The following CWC27 variants were observed in gnomAD, a reference collection of about 807,000 sequenced individuals.
The protein encoded by CWC27 is spliceosome-associated protein CWC27 homolog.
A neutral mutation model predicts 63.6 loss-of-function variants in CWC27; 47 were observed. The observed-to-expected ratio is 0.74, with a 90% CI of 0.58 to 0.94. The LOEUF is 0.94. Among genes scored for constraint, CWC27 ranks in the 40% least tolerant of loss-of-function variants. The pLI is 0.00. For missense variants in CWC27, 495 were observed against 554.3 expected, an observed-to-expected ratio of 0.89 and a Z score of 1.07; for synonymous variants, 175 against 179.8, an observed-to-expected ratio of 0.97 and a Z score of 0.22.
chr5:64,805,973 A>G (rs1238677871), intron 10 of CWC27, among the ~76,000 whole-genome samples: 3 of 152,166 alleles, frequency 2.0e-5, no homozygotes, highest in Non-Finnish European at 2.9e-5. Flanking sequence ...TCATGAGAAT[A>G]CTGGAGAGCC....
intron 13 of CWC27, among the ~76,000 whole-genome samples, chr5:64,984,020 A>G (rs1016565792): frequency 6.6e-6 from 1 of 151,948 alleles, no homozygotes; most frequent in South Asian, 2.1e-4. Flanking sequence ...TTTAGTAGAG[A>G]TGGGGTTTCA....
Position 64,990,258 on chromosome 5 carries a change from T to TG in CWC27, c.1256+13020_1256+13021insG, listed in dbSNP as rs1749511866. 5.1e-5 allele frequency among the ~76,000 whole-genome samples: 2 copies of TG among 39,366 alleles called. 1 individual carries two copies. Among genetic ancestry groups the TG allele is most frequent in the East Asian group, 9.3e-4 (2 of 2,146 alleles). The allele number at this position is 39,366 out of a possible 152,430, so 25.8% of individuals were successfully genotyped here. A position where few individuals can be genotyped will look rare whatever the true frequency, so the allele number is the denominator to read the frequency against. ...TTTATTTGTTTTTTTTTTGTTTTTT[T>TG]TTTTTTTGTTTTTTTTTTTTTTTTG... On this transcript the variant is annotated intron_variant, in intron 13 of 13. Transcript: ENST00000381070.
chr5:64,978,885 T>C (rs1749280383), intron 13 of CWC27, among the ~76,000 whole-genome samples: 1 of 152,132 alleles, frequency 6.6e-6, no homozygotes, highest in Non-Finnish European at 1.5e-5. Context: ...AACAGGAAAG[T>C]CACCAACAAA....
At chr5:64,791,449 G>A (rs1744077215) in intron 7 of CWC27, among the ~76,000 whole-genome samples, 1 of 117,352 alleles carries the variant, frequency 8.5e-6, no homozygotes, top group South Asian at 4.1e-4. Flanking sequence ...CACAGATAGT[G>A]CTGTCTTTTT....
Position 64,774,761 on chromosome 5 carries a change from G to A in CWC27, c.113G>A (p.Arg38Lys). 6.2e-7 allele frequency: 1 copy of A among 1,602,990 alleles called. No individual in the cohort carries two copies. Among genetic ancestry groups the A allele is most frequent in the Non-Finnish European group, 8.5e-7 (1 of 1,175,380 alleles). ...LWSKEAPKAC[R>K]NFIQLCLEAY... is the part of the protein sequence containing the mutation. ...TCCAAAGAAGCTCCTAAAGCTTGCA[G>A]AAATTTTATCCAACTTTGTTTGGAA... Residue 38 changes from arginine (R) to lysine (K), a missense_variant, in exon 2 of 14, where the codon AGA (arginine) becomes AAA (lysine). This residue lies in a region of CWC27 where 463 missense variants were observed against 498.1 expected (regional missense o/e 0.93). Coordinates refer to ENST00000381070, the MANE Select transcript of CWC27 (RefSeq NM_005869.4).
intron 11 of CWC27, among the ~76,000 whole-genome samples, chr5:64,919,146 G>A (rs1747946127): frequency 6.6e-6 from 1 of 151,994 alleles, no homozygotes; most frequent in African/African-American, 2.4e-5. Context: ...TGCTTTCTTT[G>A]TGTTTCTATA....
intron 11 of CWC27, among the ~76,000 whole-genome samples, chr5:64,957,197 T>A (rs989360782): frequency 6.6e-6 from 1 of 152,208 alleles, no homozygotes; most frequent in African/African-American, 2.4e-5. Context: ...TATTCTGCAA[T>A]GCTTAATTCG....
chr5:64,885,619 C>T (rs1004814111), intron 11 of CWC27, 73 bp downstream of exon 11: 12 of 1,090,070 alleles, frequency 1.1e-5, no homozygotes, highest in African/African-American at 9.5e-5. Context: ...CCTCCCTGCC[C>T]GCTCCCGTAT....
At chr5:64,788,913 CTCTTTCT>C (rs1390767304) in intron 6 of CWC27, 31 bp from the exon 7 acceptor site, 1 of 1,379,804 alleles carries the variant, frequency 7.2e-7, no homozygotes, top group East Asian at 2.4e-5. Flanking sequence ...ATTTGACTTT[CTCTTTCT>C]TTTTTTTTTT....
intron 10 of CWC27, among the ~76,000 whole-genome samples, chr5:64,817,345 A>C (rs892726877): frequency 2.0e-5 from 3 of 152,174 alleles, no homozygotes; most frequent in African/African-American, 7.2e-5. Flanking sequence ...TACTTATTCA[A>C]GTGACCTAAA....
intron 13 of CWC27, among the ~76,000 whole-genome samples, chr5:64,979,427 G>T (rs902777988): frequency 2.0e-5 from 3 of 152,082 alleles, no homozygotes; most frequent in African/African-American, 7.2e-5. Flanking sequence ...CATATATAGG[G>T]CCCTTATGTA....
chr5:65,002,327 A>C (rs1211549903), intron 13 of CWC27, among the ~76,000 whole-genome samples: 1 of 151,992 alleles, frequency 6.6e-6, no homozygotes, highest in Non-Finnish European at 1.5e-5. Flanking sequence ...TCTAATCTTT[A>C]TTAATTCCTT....
intron 11 of CWC27, among the ~76,000 whole-genome samples, chr5:64,937,789 C>T (rs1238565082): frequency 6.6e-6 from 1 of 152,092 alleles, no homozygotes; most frequent in Non-Finnish European, 1.5e-5. Flanking sequence ...GTATTGGTTG[C>T]ATGTATATTT....
chr5:65,003,118 G>C (rs972318501), intron 13 of CWC27, among the ~76,000 whole-genome samples: 1 of 152,084 alleles, frequency 6.6e-6, no homozygotes, highest in Non-Finnish European at 1.5e-5. Flanking sequence ...CTCACTGTTT[G>C]GTTTCTGTTT....
intron 11 of CWC27, among the ~76,000 whole-genome samples, chr5:64,903,693 T>C (rs1747560884): frequency 1.3e-5 from 2 of 151,844 alleles, no homozygotes; most frequent in Admixed American, 6.6e-5. Flanking sequence ...TAAAATAAAA[T>C]AAAAAATAAA....
intron 11 of CWC27, among the ~76,000 whole-genome samples, chr5:64,917,433 A>G (rs950464820): frequency 6.6e-6 from 1 of 152,172 alleles, no homozygotes; most frequent in East Asian, 1.9e-4. Flanking sequence ...CAAGGAAGGA[A>G]CAGAGGCCCT....
intron 7 of CWC27, among the ~76,000 whole-genome samples, chr5:64,791,290 G>A (rs1744072287): frequency 6.6e-6 from 1 of 152,122 alleles, no homozygotes; most frequent in Non-Finnish European, 1.5e-5. Flanking sequence ...TGTAACAGCA[G>A]CATGTGTTAA....
chr5:64,887,465 C>G (rs562543365), intron 11 of CWC27, among the ~76,000 whole-genome samples: 1 of 152,224 alleles, frequency 6.6e-6, no homozygotes, highest in Admixed American at 6.5e-5. Context: ...CCTTCGGGTT[C>G]AAGTGATTCT....
intron 11 of CWC27, among the ~76,000 whole-genome samples, chr5:64,948,702 A>T (rs1748643339): frequency 1.3e-5 from 2 of 152,020 alleles, no homozygotes; most frequent in South Asian, 2.1e-4. Context: ...AGCAGTATTC[A>T]TAGTTAACAG....
Sources: gnomAD v4.1 joint callset for allele counts (sites outside exome capture counted in the v4.1 genomes callset) on GRCh38, gnomAD v4.1.1 for gene constraint, gnomAD v4.1.1 regional missense constraint, MANE v1.5 for transcripts, NCBI Gene and HGNC (gene_info 2026-07-23, HGNC 2026-07-21) for gene names.